Variants in KLHL7 observed in about 807,000 individuals in gnomAD.
The protein encoded by KLHL7 is kelch-like protein 7.
A neutral mutation model predicts 67.4 loss-of-function variants in KLHL7; 44 were observed. That is an observed-to-expected ratio of 0.65 (90% CI 0.51 to 0.84). KLHL7 has a LOEUF of 0.84. Ranked by LOEUF, KLHL7 falls within the 40% of genes least tolerant of loss-of-function variation. The pLI is 0.00. For missense variants in KLHL7, 362 were observed against 718.1 expected (o/e 0.50, Z 5.67); for synonymous variants, 252 against 243.3 (o/e 1.04, Z -0.33).
chr7:23,174,667 G>C lies in KLHL7; in HGVS notation c.*369G>C. On this transcript the variant is annotated 3_prime_UTR_variant, in exon 11 of 11. Coordinates refer to ENST00000339077, the MANE Select transcript of KLHL7 (RefSeq NM_001031710.3). ...TTCTATTTTCATGCATCACAGAAGT[G>C]CTATACGGTTAGGTCTGTTTGTGCT... The C allele has an allele frequency of 2.2e-6, 1 of 461,536 alleles. No homozygotes were observed. Among genetic ancestry groups the C allele is most frequent in the Non-Finnish European group, 4.3e-6 (1 of 231,738 alleles). The allele number at this position is 461,536 out of a possible 1,614,324, so 28.6% of individuals were successfully genotyped here.
intron 7 of KLHL7, among the ~76,000 whole-genome samples, chr7:23,163,168 C>CTT (rs375346183): frequency 4.0e-5 from 6 of 149,416 alleles, no homozygotes; most frequent in African/African-American, 1.5e-4. Flanking sequence ...AGCTTTTACT[C>CTT]TTTTTTTTTT....
chr7:23,167,956 A>G lies in KLHL7; in HGVS notation c.1298A>G (p.Tyr433Cys), dbSNP rs759181058. Residue 433 changes from tyrosine (Y) to cysteine (C), a missense_variant, in exon 9 of 11, where the codon TAT becomes TGT. By Grantham distance (194) the Tyr-to-Cys change is radical. Coordinates refer to ENST00000339077, the MANE Select transcript of KLHL7 (RefSeq NM_001031710.3). ...ATGGTGGAAGCCAATGGCCTAATCT[A>G]TGTTTGTGGTGGAAGTTTAGGAAAC... ...HGMVEANGLIYVCGGSLGNNV... is the reference protein window; with the variant it reads ...HGMVEANGLICVCGGSLGNNV... The G allele has an allele frequency of 3.7e-6, 6 of 1,614,184 alleles. No individual in the cohort carries two copies. The highest frequency in any genetic ancestry group is 5.1e-6 in the Non-Finnish European group (6 of 1,180,006).
rs1333497160 is a variant in KLHL7, at chr7:23,177,349, T to G, written c.*3051T>G. The G allele has an allele frequency of 6.6e-6, 1 of 152,214 alleles. No homozygotes were observed. Among genetic ancestry groups the G allele is most frequent in the Non-Finnish European group, 1.5e-5 (1 of 68,026 alleles). The allele number at this position is 152,214 out of a possible 1,614,324, so 9.4% of individuals were successfully genotyped here. A position where few individuals can be genotyped will look rare whatever the true frequency, so the allele number is the denominator to read the frequency against. ...ATATACAGTACCTGTCTAAGATATT[T>G]TAAGTACACCAGCATTTCCTTTTAG... On this transcript the variant is annotated 3_prime_UTR_variant, in exon 11 of 11. Transcript: ENST00000339077.
At chr7:23,123,958 T>C (rs912776577) in intron 2 of KLHL7, 79 bp downstream of exon 2, 16 of 1,050,942 alleles carry the variant, frequency 1.5e-5, no homozygotes, top group Non-Finnish European at 2.3e-5. Flanking sequence ...ATGTCATTTT[T>C]CTAATTTTTA....
At chr7:23,165,031 A>G (rs1389923415) in intron 7 of KLHL7, among the ~76,000 whole-genome samples, 1 of 152,250 alleles carries the variant, frequency 6.6e-6, no homozygotes, top group Non-Finnish European at 1.5e-5. Flanking sequence ...TAGTGAAGAA[A>G]CAGATGCTGT....
intron 1 of KLHL7, among the ~76,000 whole-genome samples, chr7:23,115,685 C>T (rs369099412): frequency 4.0e-4 from 60 of 151,818 alleles, no homozygotes; most frequent in African/African-American, 1.3e-3. Flanking sequence ...CTGGGATTAC[C>T]GGGCGTCCAC....
chr7:23,110,536 A>G (rs1782822142), intron 1 of KLHL7, among the ~76,000 whole-genome samples: 1 of 152,102 alleles, frequency 6.6e-6, no homozygotes. Flanking sequence ...TAATCTCAAC[A>G]TACCCCTCTA....
Position 23,142,414 on chromosome 7 carries a change from T to C in KLHL7, c.619-1437T>C, listed in dbSNP as rs141005648. Among the ~76,000 whole-genome samples, 272 of 152,262 alleles carry C rather than the reference T, an allele frequency of 1.8e-3. 1 individual carries two copies. The highest frequency in any genetic ancestry group is 6.0e-3 in the African/African-American group (248 of 41,514). On this transcript the variant is annotated intron_variant, in intron 5 of 10. Transcript: ENST00000339077. ...CCAGTCTTCTTCGTGGCCCAGAGTA[T>C]CAATTTGCAAATTGACAGGTTGGAC... is the stretch of plus-strand genomic sequence containing the variant.
intron 1 of KLHL7, among the ~76,000 whole-genome samples, chr7:23,120,886 G>A (rs986420931): frequency 6.6e-6 from 1 of 152,088 alleles, no homozygotes; most frequent in African/African-American, 2.4e-5. Context: ...GTTAACTATA[G>A]TCATCCTACA....
intron 4 of KLHL7, among the ~76,000 whole-genome samples, chr7:23,134,518 G>C (rs536675605): frequency 3.9e-4 from 59 of 152,212 alleles, no homozygotes; most frequent in Non-Finnish European, 7.5e-4. Context: ...GGAATAGTTT[G>C]AGTAGGATTG....
At chr7:23,147,258 T>G (rs1784388282) in intron 6 of KLHL7, among the ~76,000 whole-genome samples, 1 of 151,994 alleles carries the variant, frequency 6.6e-6, no homozygotes, top group South Asian at 2.1e-4. Context: ...CCCAGATAAT[T>G]TTTGTATTTT....
At position 23,134,735 on chromosome 7, in the gene KLHL7, T is replaced by C. The variant is rs543644114; in HGVS notation, c.443-6034T>C. Among the ~76,000 whole-genome samples, 4 of 152,298 alleles carry C rather than the reference T, an allele frequency of 2.6e-5. No homozygotes were observed. In the South Asian group the frequency reaches 6.2e-4, roughly 24 times the overall value. On this transcript the variant is annotated intron_variant, in intron 4 of 10. Coordinates refer to ENST00000339077, the MANE Select transcript of KLHL7 (RefSeq NM_001031710.3). ...TTCTAAATTTTCCAATTTATAGGCA[T>C]ATATTAATAGTTGCTCGTAGTAACT...
chr7:23,143,684 G>A (rs1360167690), intron 5 of KLHL7, among the ~76,000 whole-genome samples, 167 bp from the exon 6 acceptor site: 1 of 152,122 alleles, frequency 6.6e-6, no homozygotes, highest in East Asian at 1.9e-4. Flanking sequence ...CACTAGAGCA[G>A]TATGTAAGCT....
In KLHL7 at chr7:23,117,902, T is replaced by C. The variant is rs558888234; in HGVS notation, c.121-5875T>C. On this transcript the variant is annotated intron_variant, in intron 1 of 10. Coordinates refer to ENST00000339077, the MANE Select transcript of KLHL7 (RefSeq NM_001031710.3). ...CTCAGGGATTTATACTCAATGCCAA[T>C]TTGATATCATGCTGGGAGGGACTGA... 4 of 1,614,084 alleles carry C rather than the reference T, an allele frequency of 2.5e-6. No individual in the cohort carries two copies. In the South Asian group the frequency reaches 4.4e-5, roughly 18 times the overall value.
intron 7 of KLHL7, among the ~76,000 whole-genome samples, chr7:23,159,005 A>G (rs898142639): frequency 7.2e-5 from 11 of 152,346 alleles, no homozygotes; most frequent in African/African-American, 2.6e-4. Flanking sequence ...GTATGAATGC[A>G]TCTTGACTTG....
chr7:23,136,113 G>C (rs1041441717), intron 4 of KLHL7, among the ~76,000 whole-genome samples: 4 of 152,004 alleles, frequency 2.6e-5, no homozygotes, highest in Non-Finnish European at 5.9e-5. Flanking sequence ...CCCAGCTGGT[G>C]TCTACAACAA....
intron 9 of KLHL7, chr7:23,172,253 A>G: frequency 4.5e-6 from 2 of 448,392 alleles, no homozygotes; most frequent in South Asian, 3.2e-5. Context: ...GTCTGTGTAT[A>G]TATGCATAAT....
chr7:23,114,186 A>G (rs1485080857), intron 1 of KLHL7, among the ~76,000 whole-genome samples: 1 of 152,184 alleles, frequency 6.6e-6, no homozygotes, highest in Non-Finnish European at 1.5e-5. Flanking sequence ...CAGGTAAGGT[A>G]TGTGTTATGA....
chr7:23,125,927 G>C (rs945249808), intron 4 of KLHL7: 3 of 1,314,180 alleles, frequency 2.3e-6, no homozygotes, highest in African/African-American at 1.5e-5. Flanking sequence ...ACTGCAGATA[G>C]TACTGAATCC....
Sources: gnomAD v4.1 joint callset for allele counts (sites outside exome capture counted in the v4.1 genomes callset) on GRCh38, gnomAD v4.1.1 for gene constraint, MANE v1.5 for transcripts, NCBI Gene and HGNC (gene_info 2026-07-23, HGNC 2026-07-21) for gene names.